ESYT3: variants seen among roughly 807,000 people sequenced by gnomAD.
ESYT3 encodes the protein extended synaptotagmin 3.
Under a neutral mutation model 111.5 loss-of-function variants are expected in ESYT3, and 101 were observed. That is an observed-to-expected ratio of 0.91 (90% CI 0.77 to 1.07). The LOEUF (loss-of-function observed/expected upper bound fraction) is 1.07, where lower values mean the gene tolerates loss of function less well. Among genes scored for constraint, ESYT3 ranks in the 50% least tolerant of loss-of-function variants. The pLI, the probability that ESYT3 is intolerant of heterozygous loss-of-function variation, is 0.00. For missense variants in ESYT3, 1,097 were observed against 1,109.4 expected (o/e 0.99, Z 0.16); for synonymous variants, 416 against 446.8 (o/e 0.93, Z 0.87).
chr3:138,466,944 G>A (rs185394010), intron 10 of ESYT3, among the ~76,000 whole-genome samples: 58 of 152,164 alleles, frequency 3.8e-4, no homozygotes, highest in Admixed American at 3.3e-3. Context: ...ACTGTGGGGA[G>A]GGCACCAAGC....
intron 20 of ESYT3, among the ~76,000 whole-genome samples, chr3:138,475,035 T>C (rs1289647797): frequency 1.3e-5 from 2 of 152,228 alleles, no homozygotes; most frequent in Non-Finnish European, 2.9e-5. Flanking sequence ...TTAAAAAGGG[T>C]TACACTGAGT....
At chr3:138,446,628 A>G (rs2031559946) in intron 1 of ESYT3, among the ~76,000 whole-genome samples, 1 of 152,184 alleles carries the variant, frequency 6.6e-6, no homozygotes. Flanking sequence ...GGTGGCTCAC[A>G]CCTGTAATCC....
At chr3:138,464,117 T>C (rs1344065860) in intron 8 of ESYT3, among the ~76,000 whole-genome samples, 1 of 151,754 alleles carries the variant, frequency 6.6e-6, no homozygotes, top group African/African-American at 2.4e-5. Context: ...AGGCAGGGAG[T>C]GTGGAGGCCA....
At chr3:138,468,783 CT>C (rs1453941785) in intron 13 of ESYT3, 35 bp from the exon 14 acceptor site, 9 of 1,613,828 alleles carry the variant, frequency 5.6e-6, no homozygotes, top group Non-Finnish European at 7.6e-6. Context: ...TCAAATTGTC[CT>C]GTGTTGCTTT....
In ESYT3 at chr3:138,479,512, G is replaced by A. The variant is rs1180133124; in HGVS notation, c.*2658G>A. 1 of 152,240 alleles carries A rather than the reference G, an allele frequency of 6.6e-6. No individual in the cohort carries two copies. Among genetic ancestry groups the A allele is most frequent in the East Asian group, 1.9e-4 (1 of 5,204 alleles). 9.4% of individuals were successfully genotyped at this position (152,240 alleles called of 1,614,324 possible). On this transcript the variant is annotated 3_prime_UTR_variant, in exon 23 of 23. Coordinates refer to ENST00000389567, the MANE Select transcript of ESYT3 (RefSeq NM_031913.5). ...TCCTTTGCTGCTTTCCCGGCAGGCT[G>A]ATGTTTGGCTTTGCCAATAGGGGGC...
At chr3:138,472,248 C>G (rs1341335176) in intron 17 of ESYT3, 115 bp from the exon 18 acceptor site, 2 of 1,364,868 alleles carry the variant, frequency 1.5e-6, no homozygotes, top group African/African-American at 2.9e-5. Context: ...AATGGAAGTT[C>G]CCTAGGAAGG....
At chr3:138,443,565 G>T (rs958580187) in intron 1 of ESYT3, among the ~76,000 whole-genome samples, 1 of 152,176 alleles carries the variant, frequency 6.6e-6, no homozygotes, top group Non-Finnish European at 1.5e-5. Flanking sequence ...TCTCTCAGCA[G>T]TTAGTTAGCA....
chr3:138,464,519 A>G lies in ESYT3; in HGVS notation c.1086+4A>G, dbSNP rs2032824547. On this transcript the variant is annotated splice_donor_region_variant and intron_variant, in intron 9 of 22. Coordinates refer to ENST00000389567, the MANE Select transcript of ESYT3 (RefSeq NM_031913.5). ...CACCTGGAACGAAGTGTTTGAGGTA[A>G]GGGTCTCCTTGGCTGCTTCTAGCCT... 1 of 1,613,664 alleles carries G rather than the reference A, an allele frequency of 6.2e-7. No homozygotes were observed. The highest frequency in any genetic ancestry group is 1.7e-5 in the Admixed American group (1 of 59,974).
chr3:138,465,936 A>G (rs1301138592), intron 10 of ESYT3, among the ~76,000 whole-genome samples: 2 of 152,322 alleles, frequency 1.3e-5, no homozygotes, highest in African/African-American at 2.4e-5. Context: ...TGAAATGTTT[A>G]TTGCAGAACT....
chr3:138,445,081 C>T (rs1475183009), intron 1 of ESYT3, among the ~76,000 whole-genome samples: 1 of 152,162 alleles, frequency 6.6e-6, no homozygotes, highest in Non-Finnish European at 1.5e-5. Flanking sequence ...CTCTGTGGGC[C>T]CTGACCGAGC....
intron 4 of ESYT3, among the ~76,000 whole-genome samples, chr3:138,458,029 A>G (rs537625811): frequency 6.6e-6 from 1 of 152,304 alleles, no homozygotes; most frequent in East Asian, 1.9e-4. Context: ...ATGCAAAGAC[A>G]CATAAGTGAC....
At chr3:138,475,135 A>C (rs12630060) in intron 20 of ESYT3, among the ~76,000 whole-genome samples, 10,736 of 152,206 alleles carry the variant, frequency 0.071, 763 homozygotes, top group East Asian at 0.38. Context: ...TGAGGAAGAG[A>C]GACTATTCAT....
chr3:138,455,114 C>T, intron 2 of ESYT3, 80 bp from the exon 3 acceptor site: 3 of 1,543,324 alleles, frequency 1.9e-6, no homozygotes, highest in Non-Finnish European at 2.7e-6. Flanking sequence ...TGCAGAGAAT[C>T]AGGACCTTGT....
At chr3:138,467,633 C>T (rs149376068) in intron 11 of ESYT3, 24 bp downstream of exon 11, 21,686 of 1,613,010 alleles carry the variant, frequency 0.013, 188 homozygotes, top group Non-Finnish European at 0.016. Flanking sequence ...TTGCAACCCT[C>T]GGGGGAGTTT....
intron 5 of ESYT3, 76 bp downstream of exon 5, chr3:138,459,329 C>A: frequency 8.1e-7 from 1 of 1,230,936 alleles, no homozygotes; most frequent in Non-Finnish European, 1.1e-6. Flanking sequence ...CCAGGTCATG[C>A]CAGAGTAGGC....
rs779414388 is a variant in ESYT3, at chr3:138,472,634, G to T, written c.2012G>T (p.Ser671Ile). The change falls in exon 18 of 23, where the codon AGT becomes ATT. Residue 671 changes from serine to isoleucine, a missense_variant. Transcript: ENST00000389567. ...ETGPEPKGKD[S>I]AKRFCEPIGE... ...GGCCCAGAGCCTAAAGGCAAGGACA[G>T]TGCCAAAAGGTTCTGTGAGCCCATC... 2 of 1,614,128 alleles carry T rather than the reference G, an allele frequency of 1.2e-6. No individual in the cohort carries two copies. The highest frequency in any genetic ancestry group is 1.1e-5 in the South Asian group (1 of 91,092).
rs148283459 is a variant in ESYT3, at chr3:138,465,350, C to T, written c.1098C>T (p.Tyr366=). 4.1e-4 allele frequency: 649 copies of T among 1,591,882 alleles called. No individual in the cohort carries two copies. The highest frequency in any genetic ancestry group is 4.9e-4 in the Non-Finnish European group (573 of 1,169,094). ...CTTTTTCCTTCCAGTTCATGGTGTA[C>T]GAAGTCCCTGGACAGGACCTGGAGG... ...TWNEVFEFMV[Y]EVPGQDLEVD... The change falls in exon 10 of 23, where the codon TAC becomes TAT. Residue 366 remains tyrosine, a synonymous_variant. Coordinates refer to ENST00000389567, the MANE Select transcript of ESYT3 (RefSeq NM_031913.5).
Position 138,476,096 on chromosome 3 carries a change from G to T in ESYT3, c.2469-127G>T, listed in dbSNP as rs987135481. On this transcript the variant is annotated intron_variant, in intron 20 of 22. Transcript: ENST00000389567. ...ATACATCGTGAGTAGTTATGAGCCAGTCCTGCTCTAGGTGCTCCTAATAGT... is the reference window on the plus strand; with the variant it reads ...ATACATCGTGAGTAGTTATGAGCCATTCCTGCTCTAGGTGCTCCTAATAGT... 3 of 651,492 alleles carry T rather than the reference G, an allele frequency of 4.6e-6. No individual in the cohort carries two copies. The African/African-American group carries it at 5.4e-5, about 12-fold the overall frequency. The allele number at this position is 651,492 out of a possible 1,614,324, so 40.4% of individuals were successfully genotyped here.
In ESYT3 at chr3:138,435,081, G is replaced by A. The variant is rs191240658; in HGVS notation, c.283G>A (p.Glu95Lys). Residue 95 changes from glutamate to lysine, a missense_variant, in exon 1 of 23, where the codon GAG becomes AAG. Coordinates refer to ENST00000389567, the MANE Select transcript of ESYT3 (RefSeq NM_031913.5). This position sits in a 1 kb window ranked among gnomAD's most constrained non-coding sequence, Gnocchi z 4.8. ...CTTCGAATTCCTTGACAATGAACGC[G>A]AGTTCATCAGCCGCGAGCTGCGGGG... ...AAFEFLDNER[E>K]FISRELRGQH... The A allele has an allele frequency of 9.7e-4, 1,545 of 1,592,894 alleles. 11 individuals carry two copies. The African/African-American group carries it at 0.019, about 19-fold the overall frequency.
Sources: gnomAD v4.1 joint callset for allele counts (sites outside exome capture counted in the v4.1 genomes callset) on GRCh38, gnomAD v4.1.1 for gene constraint, Gnocchi (gnomAD v3.1) non-coding constraint, MANE v1.5 for transcripts, NCBI Gene and HGNC (gene_info 2026-07-23, HGNC 2026-07-21) for gene names.